MRM1: variants seen among roughly 807,000 people sequenced by gnomAD.
MRM1 encodes the protein rRNA methyltransferase 1, mitochondrial.
In MRM1, 24 loss-of-function variants were observed where a neutral mutation model predicts 25.0. The ratio of observed to expected loss-of-function variants is 0.96; its 90% CI spans 0.69 to 1.35. MRM1 has a LOEUF of 1.35. Among genes scored for constraint, MRM1 ranks in the 40% most tolerant of loss-of-function variants. The probability of loss-of-function intolerance (pLI) is 0.00; values close to 1 mark genes in which losing one functional copy is unlikely to be tolerated. For missense variants in MRM1, 431 were observed against 464.1 expected (o/e 0.93, Z 0.65); for synonymous variants, 188 against 199.2 (o/e 0.94, Z 0.47).
chr17:36,608,126 G>A, intron 4 of MRM1, 108 bp downstream of exon 4: 1 of 1,532,908 alleles, frequency 6.5e-7, no homozygotes, highest in African/African-American at 1.4e-5. Flanking sequence ...GTTGCTTTAT[G>A]TACAAAATGG....
the MRM1 span, among the ~76,000 whole-genome samples, chr17:36,630,310 T>C: frequency 2.2e-4 from 34 of 152,304 alleles, no homozygotes; most frequent in Admixed American, 7.2e-4. Context: ...CCAAACCTTG[T>C]ACTTGGGGGA....
Position 36,601,648 on chromosome 17 carries a change from T to G in MRM1, c.-163T>G. 1 of 716,882 alleles carries G rather than the reference T, an allele frequency of 1.4e-6. No homozygotes were observed. Among genetic ancestry groups the G allele is most frequent in the Non-Finnish European group, 2.1e-6 (1 of 467,752 alleles). The allele number at this position is 716,882 out of a possible 1,614,324, so 44.4% of individuals were successfully genotyped here. The stretch of plus-strand genomic sequence containing the variant: ...GGTGGTCGTAGCTCGGTAGTCCAGT[T>G]GTGGGTAATCGGGGCTGTTTGTTCC... On this transcript the variant is annotated 5_prime_UTR_variant, in exon 1 of 5. Coordinates refer to ENST00000614766, the MANE Select transcript of MRM1 (RefSeq NM_024864.5).
At chr17:36,614,421 G>A in the MRM1 span, among the ~76,000 whole-genome samples, 3 of 152,170 alleles carry the variant, frequency 2.0e-5, no homozygotes, top group Non-Finnish European at 4.4e-5. Context: ...TATGTTGGCC[G>A]CTGACCAGAG....
chr17:36,604,585 T>C (rs1311546675), intron 2 of MRM1, among the ~76,000 whole-genome samples: 1 of 152,010 alleles, frequency 6.6e-6, no homozygotes, highest in African/African-American at 2.4e-5. Context: ...GGCAGGCAGA[T>C]CATGAGGTCA....
chr17:36,610,214 C>T (rs528972251), downstream of MRM1, among the ~76,000 whole-genome samples: 235 of 149,138 alleles, frequency 1.6e-3, no homozygotes, highest in African/African-American at 5.5e-3. Flanking sequence ...AGGTGTGAAC[C>T]TGGCCTAAAA....
chr17:36,614,624 G>A, the MRM1 span, among the ~76,000 whole-genome samples: 4 of 152,086 alleles, frequency 2.6e-5, no homozygotes, highest in South Asian at 2.1e-4. Context: ...GCAGTCTCAG[G>A]TTCCCATCCC....
Position 36,601,889 on chromosome 17 carries a change from G to A in MRM1, c.79G>A (p.Gly27Arg). The A allele has an allele frequency of 6.2e-7, 1 of 1,610,444 alleles. No individual in the cohort carries two copies. The highest frequency in any genetic ancestry group is 2.2e-5 in the East Asian group (1 of 44,856). ...TCATTTCTCCCATGCAGCGCGGCATGGGGAGCGGCCTGGTGGGGAGGAGCT... is the reference window on the plus strand; with the variant it reads ...TCATTTCTCCCATGCAGCGCGGCATAGGGAGCGGCCTGGTGGGGAGGAGCT... The part of the protein sequence containing the change: ...TRHFSHAARH[G>R]ERPGGEELSR... Residue 27 changes from glycine (G) to arginine (R), a missense_variant, in exon 1 of 5, where the codon GGG (glycine) becomes AGG (arginine). By Grantham distance (125) the Gly-to-Arg change is moderately radical. Coordinates refer to ENST00000614766, the MANE Select transcript of MRM1 (RefSeq NM_024864.5).
Position 36,608,288 on chromosome 17 carries a change from CAG to C in MRM1, c.938_939del (p.Glu313GlyfsTer18). 4 of 1,601,410 alleles carry C rather than the reference CAG, an allele frequency of 2.5e-6. No individual in the cohort carries two copies. The highest frequency in any genetic ancestry group is 3.4e-6 in the Non-Finnish European group (4 of 1,174,686). Reference sequence around the variant, plus strand: ...TGCAGCCAGAGGAAGGGTTTCCCCACAGAGGGGGAGAGAAGGCAGCTTCTCCA... The same window carrying C: ...TGCAGCCAGAGGAAGGGTTTCCCCACAGGGGGAGAGAAGGCAGCTTCTCCA... On this transcript the variant is annotated frameshift_variant, in exon 5 of 5. Coordinates refer to ENST00000614766, the MANE Select transcript of MRM1 (RefSeq NM_024864.5). LOFTEE classifies it low-confidence loss of function (END_TRUNC).
chr17:36,606,678 G>T (rs961709639), intron 2 of MRM1, among the ~76,000 whole-genome samples: 3 of 150,856 alleles, frequency 2.0e-5, no homozygotes, highest in African/African-American at 7.3e-5. Flanking sequence ...TGTGCTCTCA[G>T]CTCACTGCAA....
the MRM1 span, among the ~76,000 whole-genome samples, chr17:36,616,876 T>C: frequency 6.6e-6 from 1 of 152,302 alleles, no homozygotes; most frequent in African/African-American, 2.4e-5. Flanking sequence ...TTAGCCACTA[T>C]GCCCAGCTGA....
At chr17:36,626,605 C>T in the MRM1 span, among the ~76,000 whole-genome samples, 1 of 152,182 alleles carries the variant, frequency 6.6e-6, no homozygotes, top group South Asian at 2.1e-4. Context: ...AAGTGATCCG[C>T]CTGCCTCAGC....
Position 36,607,777 on chromosome 17 carries a change from G to C in MRM1, c.744G>C (p.Trp248Cys). The change falls in exon 3 of 5, where the codon TGG becomes TGC. Residue 248 changes from tryptophan (W) to cysteine (C), a missense_variant. Transcript: ENST00000614766. ...IPIMSCLEFL[W>C]ERPTLLVLGN... The stretch of plus-strand genomic sequence containing the variant: ...TCATGAGTTGCTTGGAGTTCCTCTG[G>C]GAACGGCCTACTCTCCTTGTGCTGG... The C allele has an allele frequency of 6.2e-7, 1 of 1,614,100 alleles. No individual in the cohort carries two copies. The highest frequency in any genetic ancestry group is 8.5e-7 in the Non-Finnish European group (1 of 1,180,026).
Position 36,601,966 on chromosome 17 carries a change from G to C in MRM1, c.156G>C (p.Leu52=). 1 of 1,612,914 alleles carries C rather than the reference G, an allele frequency of 6.2e-7. No individual in the cohort carries two copies. Among genetic ancestry groups the C allele is most frequent in the Non-Finnish European group, 8.5e-7 (1 of 1,179,818 alleles). Reference sequence around the variant, plus strand: ...TGCCGACCTCTCGGCTGGAGCTTCTGTTTGGCATGACCCCGTGTCTCCTGG... The same window carrying C: ...TGCCGACCTCTCGGCTGGAGCTTCTCTTTGGCATGACCCCGTGTCTCCTGG... ...DLVPTSRLEL[L]FGMTPCLLAL... The change falls in exon 1 of 5, where the codon CTG becomes CTC. Residue 52 remains leucine (L), a synonymous_variant. Transcript: ENST00000614766.
the MRM1 span, among the ~76,000 whole-genome samples, chr17:36,623,434 C>A: frequency 6.6e-6 from 1 of 152,210 alleles, no homozygotes; most frequent in Non-Finnish European, 1.5e-5. Flanking sequence ...TAGTTATCAG[C>A]AGCAACTAAT....
the MRM1 span, among the ~76,000 whole-genome samples, chr17:36,629,840 C>G: frequency 6.6e-6 from 1 of 152,140 alleles, no homozygotes; most frequent in Non-Finnish European, 1.5e-5. Context: ...GGCTGTAGAC[C>G]TGGGGTCTCC....
At chr17:36,633,871 G>C in the MRM1 span, among the ~76,000 whole-genome samples, 1 of 152,124 alleles carries the variant, frequency 6.6e-6, no homozygotes, top group Non-Finnish European at 1.5e-5. Flanking sequence ...CTCCTCCTCT[G>C]TCTCTCTCAT....
the MRM1 span, among the ~76,000 whole-genome samples, chr17:36,627,542 C>G: frequency 2.6e-5 from 4 of 152,074 alleles, no homozygotes; most frequent in Non-Finnish European, 4.4e-5. Context: ...GAGACCCTGA[C>G]TGGGTTATAA....
downstream of MRM1, among the ~76,000 whole-genome samples, chr17:36,612,314 C>T (rs1309491141): frequency 1.3e-5 from 2 of 152,170 alleles, no homozygotes; most frequent in Non-Finnish European, 2.9e-5. Flanking sequence ...TCACTTAAAC[C>T]AAAGGGGATT....
chr17:36,608,528 T>G lies in MRM1; in HGVS notation c.*113T>G. The G allele has an allele frequency of 2.0e-4, 72 of 365,290 alleles. No individual in the cohort carries two copies. Among genetic ancestry groups the G allele is most frequent in the East Asian group, 3.3e-4 (4 of 12,030 alleles). The allele number at this position is 365,290 out of a possible 1,614,324, so 22.6% of individuals were successfully genotyped here. On this transcript the variant is annotated 3_prime_UTR_variant, in exon 5 of 5. Coordinates refer to ENST00000614766, the MANE Select transcript of MRM1 (RefSeq NM_024864.5). ...GAGTGTGCACCAGGCCCATGTTTAT[T>G]GACCACAGTCTGGGGGGGGGGGAAG...
Sources: allele counts gnomAD v4.1 joint callset (sites outside exome capture counted in the v4.1 genomes callset), GRCh38; gene constraint gnomAD v4.1.1; transcripts MANE v1.5; gene names NCBI Gene and HGNC (gene_info 2026-07-23, HGNC 2026-07-21).